CLVS1: variants seen among roughly 807,000 people sequenced by gnomAD.
The protein encoded by CLVS1 is clavesin 1.
A neutral mutation model predicts 33.1 loss-of-function variants in CLVS1; 10 were observed. The ratio of observed to expected loss-of-function variants is 0.30; its 90% CI spans 0.19 to 0.51. The LOEUF is 0.51. CLVS1 is among the 20% of genes least tolerant of loss of function. CLVS1 has a pLI of 0.97. For synonymous variants in CLVS1, 163 were observed against 166.1 expected (o/e 0.98, Z 0.14); for missense variants, 343 against 433.4 (o/e 0.79, Z 1.85).
At chr8:61,433,035 C>A (rs771064633) in intron 3 of CLVS1, among the ~76,000 whole-genome samples, 2 of 152,212 alleles carry the variant, frequency 1.3e-5, no homozygotes, top group Admixed American at 6.5e-5. Context: ...TTCCCCACAG[C>A]CTCAACCTCC....
At chr8:61,129,288 G>A (rs1806039724) in intron 1 of CLVS1, among the ~76,000 whole-genome samples, 1 of 152,218 alleles carries the variant, frequency 6.6e-6, no homozygotes, top group Non-Finnish European at 1.5e-5. Context: ...GTTGAGTGAA[G>A]TTTGTCTGCT....
At chr8:60,988,957 C>G in the CLVS1 span, among the ~76,000 whole-genome samples, 2 of 152,272 alleles carry the variant, frequency 1.3e-5, no homozygotes, top group Admixed American at 6.5e-5. Context: ...CTTGATCTCC[C>G]AGCCTCAAAT....
At chr8:61,152,894 G>T (rs1001555704) in intron 2 of CLVS1, among the ~76,000 whole-genome samples, 1 of 152,162 alleles carries the variant, frequency 6.6e-6, no homozygotes, top group Non-Finnish European at 1.5e-5. Context: ...TTAGGAATAG[G>T]TCAAGTGCAG....
chr8:61,087,664 AC>A (rs1417478119), intron 1 of CLVS1, among the ~76,000 whole-genome samples: 1 of 152,158 alleles, frequency 6.6e-6, no homozygotes, highest in Non-Finnish European at 1.5e-5. Flanking sequence ...AAATAAGATG[AC>A]TGTAGGAATA....
intron 2 of CLVS1, among the ~76,000 whole-genome samples, chr8:61,329,258 C>T (rs1053953437): frequency 6.6e-6 from 1 of 151,856 alleles, no homozygotes; most frequent in African/African-American, 2.4e-5. Flanking sequence ...AAATAATTTT[C>T]ACTGGCCTAA....
At chr8:61,304,194 G>A (rs1168518135) in intron 2 of CLVS1, among the ~76,000 whole-genome samples, 2 of 152,214 alleles carry the variant, frequency 1.3e-5, no homozygotes, top group Admixed American at 1.3e-4. Context: ...AGATTAAAAT[G>A]GTTATGAATA....
intron 5 of CLVS1, among the ~76,000 whole-genome samples, chr8:61,467,588 G>A (rs1026874035): frequency 2.0e-5 from 3 of 152,134 alleles, no homozygotes; most frequent in African/African-American, 7.2e-5. Flanking sequence ...ATTATTATAG[G>A]AAGGGGCAGT....
At chr8:60,986,728 G>A in the CLVS1 span, among the ~76,000 whole-genome samples, 2 of 152,178 alleles carry the variant, frequency 1.3e-5, no homozygotes, top group African/African-American at 4.8e-5. Flanking sequence ...TATTTTTCAT[G>A]CACTCACTAA....
intron 2 of CLVS1, among the ~76,000 whole-genome samples, chr8:61,311,349 T>C (rs1052294882): frequency 1.5e-4 from 23 of 152,222 alleles, no homozygotes; most frequent in Non-Finnish European, 3.4e-4. Flanking sequence ...TTGTCAGATA[T>C]ACTCTACCAC....
At chr8:61,130,520 A>G (rs1437669571) in intron 1 of CLVS1, among the ~76,000 whole-genome samples, 1 of 152,226 alleles carries the variant, frequency 6.6e-6, no homozygotes, top group Non-Finnish European at 1.5e-5. Context: ...GACAGATTAG[A>G]AGCCAACAGA....
chr8:61,121,228 C>T (rs957939480), intron 1 of CLVS1, among the ~76,000 whole-genome samples: 39 of 152,162 alleles, frequency 2.6e-4, no homozygotes, highest in Non-Finnish European at 1.5e-4. Flanking sequence ...CGCCCTGCTT[C>T]GGCTCGCTCA....
chr8:61,273,509 T>A (rs1350962616), intron 2 of CLVS1, among the ~76,000 whole-genome samples: 2 of 152,370 alleles, frequency 1.3e-5, no homozygotes, highest in African/African-American at 4.8e-5. Context: ...TGAGCTGTGG[T>A]GGGCTCCGCC....
the CLVS1 span, among the ~76,000 whole-genome samples, chr8:61,026,311 A>C: frequency 6.6e-6 from 1 of 152,162 alleles, no homozygotes; most frequent in South Asian, 2.1e-4. Flanking sequence ...CACAGTTCTC[A>C]AGAGGAACCA....
intron 2 of CLVS1, among the ~76,000 whole-genome samples, chr8:61,361,659 A>G (rs574452825): frequency 6.6e-6 from 1 of 152,222 alleles, no homozygotes; most frequent in Non-Finnish European, 1.5e-5. Flanking sequence ...GATTGCATTC[A>G]CCTTATTAGG....
chr8:61,053,909 T>C (rs1804428705), upstream of CLVS1, among the ~76,000 whole-genome samples: 1 of 152,188 alleles, frequency 6.6e-6, no homozygotes, highest in South Asian at 2.1e-4. Context: ...TCCCTGACAA[T>C]AGCATTTGAG....
the CLVS1 span, among the ~76,000 whole-genome samples, chr8:61,004,257 T>C: frequency 2.0e-5 from 3 of 152,194 alleles, no homozygotes; most frequent in African/African-American, 7.2e-5. Context: ...ATAACTTGGG[T>C]GAGTAGACTG....
chr8:61,348,774 T>G (rs903059596), intron 2 of CLVS1, among the ~76,000 whole-genome samples: 15 of 152,158 alleles, frequency 9.9e-5, no homozygotes, highest in African/African-American at 3.6e-4. Context: ...TAGTTCCATT[T>G]TTAACTTTTT....
chr8:61,286,815 T>C (rs1809791741), upstream of CLVS1, among the ~76,000 whole-genome samples: 2 of 152,232 alleles, frequency 1.3e-5, no homozygotes, highest in Non-Finnish European at 1.5e-5. Flanking sequence ...TCAAGTTATC[T>C]TGGCAAAAAG....
intron 1 of CLVS1, among the ~76,000 whole-genome samples, chr8:61,063,163 C>T (rs1199571918): frequency 1.3e-5 from 2 of 151,842 alleles, no homozygotes; most frequent in Admixed American, 6.6e-5. Flanking sequence ...GCTCTCGCTC[C>T]CCTGGTGCAG....
Sources: allele counts gnomAD v4.1 joint callset (sites outside exome capture counted in the v4.1 genomes callset), GRCh38; gene constraint gnomAD v4.1.1; transcripts MANE v1.5; gene names NCBI Gene and HGNC (gene_info 2026-07-23, HGNC 2026-07-21).